The following ITFG1 variants were observed in gnomAD, a reference collection of about 807,000 sequenced individuals.
ITFG1 encodes T-cell immunomodulatory protein.
Under a neutral mutation model 81.8 loss-of-function variants are expected in ITFG1, and 34 were observed. The observed-to-expected ratio is 0.42, with a 90% CI of 0.32 to 0.55. The LOEUF (loss-of-function observed/expected upper bound fraction) is 0.55, where lower values mean the gene tolerates loss of function less well. Among genes scored for constraint, ITFG1 ranks in the 20% least tolerant of loss-of-function variants. ITFG1 has a pLI of 0.17. For synonymous variants in ITFG1, 285 were observed against 270.6 expected, an observed-to-expected ratio of 1.05 and a Z score of -0.52; for missense variants, 672 against 755.4, an observed-to-expected ratio of 0.89 and a Z score of 1.29.
intron 6 of ITFG1, among the ~76,000 whole-genome samples, chr16:47,376,409 C>G (rs1488689995): frequency 6.6e-6 from 1 of 152,070 alleles, no homozygotes; most frequent in Non-Finnish European, 1.5e-5. Context: ...AATTATGTTT[C>G]AAATTTTCAG....
chr16:47,298,476 AT>A (rs1190902445), intron 10 of ITFG1, among the ~76,000 whole-genome samples: 19 of 147,932 alleles, frequency 1.3e-4, no homozygotes, highest in African/African-American at 2.2e-4. Context: ...TTGGGGGGAA[AT>A]TTTTTTTTTT....
chr16:47,439,463 G>C (rs935087369), intron 5 of ITFG1, among the ~76,000 whole-genome samples: 1 of 152,144 alleles, frequency 6.6e-6, no homozygotes, highest in Non-Finnish European at 1.5e-5. Flanking sequence ...CAAAGGGAAG[G>C]CCATCAGACT....
At chr16:47,189,305 A>G (rs1965264119) in intron 14 of ITFG1, among the ~76,000 whole-genome samples, 1 of 152,122 alleles carries the variant, frequency 6.6e-6, no homozygotes, top group Non-Finnish European at 1.5e-5. Flanking sequence ...AACTGACACC[A>G]ATTCCAGAAT....
rs1968167909 is a variant in ITFG1 at position 47,365,723 on chromosome 16, G to A, written c.802+65C>T. 5.3e-6 allele frequency: 5 copies of A among 941,744 alleles called. No individual in the cohort carries two copies. In the Admixed American group the frequency reaches 1.0e-4, roughly 19 times the overall value. 58.3% of individuals were successfully genotyped at this position (941,744 alleles called of 1,614,324 possible). On this transcript the variant is annotated intron_variant, in intron 8 of 17. Transcript: ENST00000320640. ...CTGCTATGGGGAATTAATATAAATA[G>A]AACAGAAAGAAGGAGAGAATTGGAA...
At chr16:47,375,389 G>C (rs1421641519) in intron 7 of ITFG1, among the ~76,000 whole-genome samples, 1 of 151,414 alleles carries the variant, frequency 6.6e-6, no homozygotes, top group Non-Finnish European at 1.5e-5. Context: ...ACATTGGTTT[G>C]GGAATCTTCT....
chr16:47,296,053 C>T (rs1220203501), intron 10 of ITFG1, among the ~76,000 whole-genome samples: 3 of 151,834 alleles, frequency 2.0e-5, no homozygotes, highest in African/African-American at 7.3e-5. Context: ...CATGCATCAC[C>T]ATGTCCCGGC....
intron 14 of ITFG1, among the ~76,000 whole-genome samples, chr16:47,189,260 A>G (rs1391554002): frequency 6.6e-6 from 1 of 152,166 alleles, no homozygotes; most frequent in Non-Finnish European, 1.5e-5. Flanking sequence ...ACAGTGTACA[A>G]TTCAGTGGTT....
chr16:47,302,856 C>A (rs1967097573), intron 10 of ITFG1, among the ~76,000 whole-genome samples: 1 of 152,224 alleles, frequency 6.6e-6, no homozygotes, highest in Non-Finnish European at 1.5e-5. Flanking sequence ...ACCTGACTTA[C>A]ATTTGCTATG....
intron 2 of ITFG1, among the ~76,000 whole-genome samples, chr16:47,457,709 T>C (rs1567507044): frequency 1.3e-5 from 2 of 152,248 alleles, no homozygotes; most frequent in South Asian, 2.1e-4. Context: ...ATTGCATTAA[T>C]AAAAAAATTA....
At chr16:47,367,539 A>G (rs961536675) in intron 7 of ITFG1, among the ~76,000 whole-genome samples, 1 of 152,228 alleles carries the variant, frequency 6.6e-6, no homozygotes, top group Non-Finnish European at 1.5e-5. Context: ...CAGAAGTTCT[A>G]TGTTAGGAAG....
intron 8 of ITFG1, among the ~76,000 whole-genome samples, chr16:47,353,200 AAAGTAT>A (rs1967990713): frequency 6.6e-6 from 1 of 152,190 alleles, no homozygotes; most frequent in Admixed American, 6.5e-5. Flanking sequence ...CCTAGAACTT[AAAGTAT>A]AATTAAAAAA....
chr16:47,172,112 T>C (rs1221200226), intron 14 of ITFG1, among the ~76,000 whole-genome samples: 1 of 152,214 alleles, frequency 6.6e-6, no homozygotes, highest in African/African-American at 2.4e-5. Flanking sequence ...CTCTGAACTC[T>C]AGGCTCTCAT....
intron 14 of ITFG1, among the ~76,000 whole-genome samples, chr16:47,175,040 G>T (rs904927854): frequency 1.3e-5 from 2 of 152,148 alleles, no homozygotes; most frequent in African/African-American, 4.8e-5. Flanking sequence ...GAAACAGTCT[G>T]TCATCTTATC....
At chr16:47,277,852 T>C (rs1213719922) in intron 10 of ITFG1, among the ~76,000 whole-genome samples, 2 of 152,186 alleles carry the variant, frequency 1.3e-5, no homozygotes, top group East Asian at 1.9e-4. Flanking sequence ...TGGCTGTGTG[T>C]GATATGCCAG....
At chr16:47,347,112 C>T (rs556906906) in intron 8 of ITFG1, among the ~76,000 whole-genome samples, 7 of 152,342 alleles carry the variant, frequency 4.6e-5, no homozygotes, top group Admixed American at 1.3e-4. Flanking sequence ...CAGCTCCCAG[C>T]GTGAGCAACA....
chr16:47,397,391 C>T (rs1009468589), intron 6 of ITFG1, among the ~76,000 whole-genome samples: 3 of 152,028 alleles, frequency 2.0e-5, no homozygotes, highest in Non-Finnish European at 4.4e-5. Flanking sequence ...AACAGAGTGG[C>T]TAACAAGATA....
At chr16:47,268,062 GA>G (rs1023851400) in intron 10 of ITFG1, among the ~76,000 whole-genome samples, 1 of 151,356 alleles carries the variant, frequency 6.6e-6, no homozygotes, top group African/African-American at 2.4e-5. Context: ...TAGAAAACAG[GA>G]AAAAAATAGA....
At chr16:47,280,670 G>A (rs898434634) in intron 10 of ITFG1, among the ~76,000 whole-genome samples, 4 of 152,042 alleles carry the variant, frequency 2.6e-5, no homozygotes, top group African/African-American at 9.7e-5. Context: ...TTATGCTAAG[G>A]CCCTTAGATA....
chr16:47,374,749 T>C (rs1170807466), intron 7 of ITFG1, among the ~76,000 whole-genome samples: 3 of 152,302 alleles, frequency 2.0e-5, no homozygotes, highest in African/African-American at 7.2e-5. Flanking sequence ...GATGTCTTAC[T>C]TCCCCTTGCC....
Sources: allele counts gnomAD v4.1 joint callset (sites outside exome capture counted in the v4.1 genomes callset), GRCh38; gene constraint gnomAD v4.1.1; transcripts MANE v1.5; gene names NCBI Gene and HGNC (gene_info 2026-07-23, HGNC 2026-07-21).